The following CCDC30 variants were observed in gnomAD, a reference collection of about 807,000 sequenced individuals.
The protein encoded by CCDC30 is coiled-coil domain containing 30, also known as coiled-coil domain-containing protein 30.
CCDC30 carries 70 observed loss-of-function variants against 100.2 expected under a neutral mutation model. The observed-to-expected ratio is 0.70, with a 90% CI of 0.58 to 0.85. CCDC30 has a LOEUF of 0.85. CCDC30 is among the 40% of genes least tolerant of loss of function. CCDC30 has a pLI of 0.00. For missense variants in CCDC30, 652 were observed against 771.2 expected, an observed-to-expected ratio of 0.85 and a Z score of 1.83; for synonymous variants, 233 against 269.5, an observed-to-expected ratio of 0.86 and a Z score of 1.33.
chr1:42,561,609 C>A (rs1050375376), intron 6 of CCDC30, among the ~76,000 whole-genome samples: 6 of 152,054 alleles, frequency 3.9e-5, no homozygotes, highest in Non-Finnish European at 8.8e-5. Context: ...CTGACCAGGG[C>A]AGTCAGGCAA....
the CCDC30 span, chr1:42,457,024 G>T: frequency 6.2e-7 from 1 of 1,601,822 alleles, no homozygotes; most frequent in Non-Finnish European, 8.5e-7. Context: ...CCACTTTGGC[G>T]GACTATTTGC....
intron 10 of CCDC30, among the ~76,000 whole-genome samples, chr1:42,601,084 A>G (rs916578935): frequency 6.6e-6 from 1 of 152,208 alleles, no homozygotes; most frequent in African/African-American, 2.4e-5. Context: ...ATTAAACTAG[A>G]AATCAGTAAC....
Position 42,488,166 on chromosome 1 carries a change from C to A in CCDC30, c.170-1992C>A, listed in dbSNP as rs180738468. Among the ~76,000 whole-genome samples, 5 of 150,982 alleles carry A rather than the reference C, an allele frequency of 3.3e-5. No homozygotes were observed. In the East Asian group the frequency reaches 5.8e-4, roughly 18 times the overall value. On this transcript the variant is annotated intron_variant, in intron 3 of 16. Coordinates refer to ENST00000668663, the Ensembl canonical transcript of CCDC30. The stretch of plus-strand genomic sequence containing the variant: ...AGTAAAAAAGTTTTTTTTTTTAAAT[C>A]GATGCTAACCAGACTTAGAAAGAGA...
At chr1:42,539,060 A>T in intron 6 of CCDC30, 113 bp from the exon 8 acceptor site, 1 of 845,774 alleles carries the variant, frequency 1.2e-6, no homozygotes, top group Non-Finnish European at 1.7e-6. Flanking sequence ...TGGAATATTT[A>T]AAACAAAAAA....
intron 6 of CCDC30, among the ~76,000 whole-genome samples, chr1:42,502,520 T>C (rs1644332677): frequency 6.6e-6 from 1 of 152,276 alleles, no homozygotes; most frequent in Admixed American, 6.5e-5. Flanking sequence ...AGTACCTCAG[T>C]TGGAAATGCA....
At chr1:42,537,142 A>G (rs1389163775) in intron 6 of CCDC30, 2 of 454,300 alleles carry the variant, frequency 4.4e-6, no homozygotes, top group African/African-American at 4.0e-5. Context: ...TCTAGCACTA[A>G]GCAAAGAGTC....
intron 6 of CCDC30, among the ~76,000 whole-genome samples, chr1:42,521,652 G>T (rs955748464): frequency 6.6e-6 from 1 of 151,962 alleles, no homozygotes; most frequent in Non-Finnish European, 1.5e-5. Flanking sequence ...TGAGAGTAGG[G>T]TATTGACTCC....
In CCDC30 at chr1:42,557,725, A is replaced by G. The variant is rs549380521; in HGVS notation, c.457-8571A>G. Among the ~76,000 whole-genome samples, 77 of 109,102 alleles carry G rather than the reference A, an allele frequency of 7.1e-4. 1 individual carries two copies. The highest frequency in any genetic ancestry group is 1.2e-3 in the Non-Finnish European group (60 of 49,306). The allele number at this position is 109,102 out of a possible 152,430, so 71.6% of individuals were successfully genotyped here. ...TATTAAATAAAATATGTAAATAATAAAATATTTAAAATTTTAAAATATTAA... is the reference window on the plus strand; with the variant it reads ...TATTAAATAAAATATGTAAATAATAGAATATTTAAAATTTTAAAATATTAA... On this transcript the variant is annotated intron_variant, in intron 6 of 16. Coordinates refer to ENST00000668663, the Ensembl canonical transcript of CCDC30.
At chr1:42,505,759 C>T (rs1644385117) in intron 6 of CCDC30, among the ~76,000 whole-genome samples, 2 of 152,136 alleles carry the variant, frequency 1.3e-5, no homozygotes. Flanking sequence ...CTAAGATAAG[C>T]TTGGAGCACC....
intron 11 of CCDC30, among the ~76,000 whole-genome samples, chr1:42,626,575 T>C (rs564713078): frequency 6.6e-6 from 1 of 152,334 alleles, no homozygotes; most frequent in East Asian, 1.9e-4. Flanking sequence ...CTATCTGATA[T>C]GAGTTCACTG....
At chr1:42,515,757 T>G (rs1644546844) in intron 6 of CCDC30, among the ~76,000 whole-genome samples, 9 of 152,240 alleles carry the variant, frequency 5.9e-5, no homozygotes, top group Admixed American at 5.9e-4. Context: ...ACTATCTGTC[T>G]CTATGATTTT....
chr1:42,641,889 A>T (rs1647430856), intron 12 of CCDC30, among the ~76,000 whole-genome samples: 1 of 151,928 alleles, frequency 6.6e-6, no homozygotes, highest in African/African-American at 2.4e-5. Flanking sequence ...AAAAAACAAC[A>T]TGATCTCACT....
intron 15 of CCDC30, among the ~76,000 whole-genome samples, chr1:42,652,398 T>C (rs1648427404): frequency 6.6e-6 from 1 of 152,116 alleles, no homozygotes. Flanking sequence ...GTGATGGATA[T>C]GTTAATTACC....
chr1:42,490,127 C>G (rs1201315262), intron 3 of CCDC30, 31 bp from the exon 4 acceptor site: 1 of 840,068 alleles, frequency 1.2e-6, no homozygotes, highest in East Asian at 3.4e-5. Context: ...ATCATTTGTT[C>G]CTTATACAAA....
chr1:42,513,236 G>T (rs1453998607), intron 6 of CCDC30, among the ~76,000 whole-genome samples: 1 of 152,148 alleles, frequency 6.6e-6, no homozygotes, highest in African/African-American at 2.4e-5. Flanking sequence ...GCTCTCTCTT[G>T]TGAGAGAGAG....
rs546804208 is a variant in CCDC30, at chr1:42,632,399, G to A, written c.1278-4838G>A. ...GGAGAATTGCTTGAACCTGCGAGGT[G>A]GAGGTTGCAGTGAGCCAAGATCATG... On this transcript the variant is annotated intron_variant, in intron 11 of 16. Transcript: ENST00000668663. 1.1e-3 allele frequency among the ~76,000 whole-genome samples: 168 copies of A among 152,102 alleles called. 1 individual carries two copies. The highest frequency in any genetic ancestry group is 3.6e-3 in the African/African-American group (150 of 41,490).
intron 6 of CCDC30, among the ~76,000 whole-genome samples, chr1:42,520,256 A>C (rs908502534): frequency 3.5e-5 from 5 of 142,004 alleles, no homozygotes; most frequent in South Asian, 4.3e-4. Context: ...TCCCGCCTTC[A>C]CTTTGCTTTT....
chr1:42,470,076 A>G (rs1021908224), intron 1 of CCDC30, among the ~76,000 whole-genome samples: 1 of 152,182 alleles, frequency 6.6e-6, no homozygotes, highest in African/African-American at 2.4e-5. Flanking sequence ...GAGATTTGCA[A>G]GGAAGGTGGG....
At chr1:42,513,612 A>G (rs191960403) in intron 6 of CCDC30, among the ~76,000 whole-genome samples, 291 of 152,106 alleles carry the variant, frequency 1.9e-3, no homozygotes, top group African/African-American at 6.6e-3. Context: ...AATTTTACAG[A>G]CTGCTCTTTG....
Sources: allele counts gnomAD v4.1 joint callset (sites outside exome capture counted in the v4.1 genomes callset), GRCh38; gene constraint gnomAD v4.1.1; transcripts MANE v1.5; gene names NCBI Gene and HGNC (gene_info 2026-07-23, HGNC 2026-07-21).